GCLC: variants seen among roughly 807,000 people sequenced by gnomAD.
The protein encoded by GCLC is glutamate--cysteine ligase catalytic subunit.
In GCLC, 30 loss-of-function variants were observed where a neutral mutation model predicts 81.5. The observed-to-expected ratio is 0.37, with a 90% CI of 0.28 to 0.50. The LOEUF (loss-of-function observed/expected upper bound fraction) is 0.50. Ranked by LOEUF, GCLC falls within the 20% of genes least tolerant of loss-of-function variation. GCLC has a pLI of 0.96. For missense variants in GCLC, 556 were observed against 777.4 expected (o/e 0.72, Z 3.39); for synonymous variants, 262 against 273.3 (o/e 0.96, Z 0.41).
intron 3 of GCLC, among the ~76,000 whole-genome samples, chr6:53,517,525 G>A (rs1173074834): frequency 1.3e-5 from 2 of 152,082 alleles, no homozygotes; most frequent in African/African-American, 4.8e-5. Context: ...AGCTACAAGG[G>A]TTCTTGAGAA....
At position 53,500,325 on chromosome 6, in the gene GCLC, A is replaced by G; in HGVS notation, c.1503T>C (p.Cys501=). The G allele has an allele frequency of 1.2e-6, 2 of 1,614,186 alleles. No individual in the cohort carries two copies. The highest frequency in any genetic ancestry group is 1.7e-6 in the Non-Finnish European group (2 of 1,180,026). ...CKGGNAVVDG[C]GKAQNSTELA... is the part of the protein sequence containing the mutation. ...GCTCCGTGCTGTTCTGGGCCTTGCC[A>G]CAACCATCCACCACTGCATTGCCAC... The change falls in exon 14 of 16, where the codon TGT becomes TGC. Residue 501 remains cysteine, a synonymous_variant. Coordinates refer to ENST00000650454, the MANE Select transcript of GCLC (RefSeq NM_001498.4).
chr6:53,503,597 AT>A (rs1230903218), intron 12 of GCLC, among the ~76,000 whole-genome samples: 2 of 152,016 alleles, frequency 1.3e-5, no homozygotes, highest in Non-Finnish European at 2.9e-5. Context: ...ATATCAGTTG[AT>A]TTTCCCCCCT....
At chr6:53,525,537 AT>A (rs1763065090) in intron 1 of GCLC, among the ~76,000 whole-genome samples, 1 of 152,254 alleles carries the variant, frequency 6.6e-6, no homozygotes, top group Admixed American at 6.5e-5. Context: ...ACAAAAGAAA[AT>A]AATAAAACAG....
intron 1 of GCLC, among the ~76,000 whole-genome samples, chr6:53,542,735 G>A (rs1561954566): frequency 6.6e-6 from 1 of 152,178 alleles, no homozygotes; most frequent in Non-Finnish European, 1.5e-5. Context: ...GCAGCACAGG[G>A]CCCGGCACAT....
In GCLC at chr6:53,498,258, T is replaced by G. The variant is rs1764413316; in HGVS notation, c.*498A>C. ...GGTGCTAGAAACCCAAGATTACCCT[T>G]GAAGCACTTTCAATGGATTCAAGTG... On this transcript the variant is annotated 3_prime_UTR_variant, in exon 16 of 16. Transcript: ENST00000650454. 3 of 159,988 alleles carry G rather than the reference T, an allele frequency of 1.9e-5. No homozygotes were observed. The highest frequency in any genetic ancestry group is 4.1e-5 in the Non-Finnish European group (3 of 72,708). 9.9% of individuals were successfully genotyped at this position (159,988 alleles called of 1,614,324 possible). A position where few individuals can be genotyped will look rare whatever the true frequency, so the allele number is the denominator to read the frequency against.
At chr6:53,540,592 C>A (rs1434539144) in intron 1 of GCLC, among the ~76,000 whole-genome samples, 4 of 151,600 alleles carry the variant, frequency 2.6e-5, no homozygotes, top group African/African-American at 9.7e-5. Context: ...TAAAACATTG[C>A]CCCTGTAGTT....
chr6:53,509,336 C>G (rs1764688061), intron 6 of GCLC, 86 bp from the exon 7 acceptor site: 1 of 812,812 alleles, frequency 1.2e-6, no homozygotes, highest in South Asian at 1.4e-5. Flanking sequence ...AGGTGCTGGG[C>G]AGAGAGGGGC....
chr6:53,539,421 A>G (rs1763314574), intron 1 of GCLC, among the ~76,000 whole-genome samples: 1 of 152,200 alleles, frequency 6.6e-6, no homozygotes, highest in African/African-American at 2.4e-5. Context: ...AGTTCCAAAA[A>G]GCCAGCATAC....
chr6:53,510,900 G>A (rs1764725503), intron 6 of GCLC, among the ~76,000 whole-genome samples: 1 of 152,100 alleles, frequency 6.6e-6, no homozygotes, highest in East Asian at 1.9e-4. Flanking sequence ...CAAAGAATAA[G>A]AGTTTCAAAG....
chr6:53,534,995 T>C (rs1230749561), intron 1 of GCLC, among the ~76,000 whole-genome samples: 5 of 152,166 alleles, frequency 3.3e-5, no homozygotes, highest in Non-Finnish European at 5.9e-5. Flanking sequence ...AAATTCAAAA[T>C]ATCCAGAAGA....
Position 53,498,716 on chromosome 6 carries a change from G to C in GCLC, c.*40C>G, listed in dbSNP as rs539194390. On this transcript the variant is annotated 3_prime_UTR_variant, in exon 16 of 16. Coordinates refer to ENST00000650454, the MANE Select transcript of GCLC (RefSeq NM_001498.4). ...GCTGGCTGAGAGGCATGGTACTGTA[G>C]CCAGTTCGTCAATAATGCATTTTTC... 2 of 1,236,034 alleles carry C rather than the reference G, an allele frequency of 1.6e-6. No homozygotes were observed. The highest frequency in any genetic ancestry group is 1.7e-5 in the Admixed American group (1 of 59,568). 76.6% of individuals were successfully genotyped at this position (1,236,034 alleles called of 1,614,324 possible). A position where few individuals can be genotyped will look rare whatever the true frequency, so the allele number is the denominator to read the frequency against.
intron 1 of GCLC, among the ~76,000 whole-genome samples, chr6:53,540,987 G>A (rs938613785): frequency 2.0e-5 from 3 of 152,164 alleles, no homozygotes; most frequent in Admixed American, 2.0e-4. Context: ...GGCCAAGGCA[G>A]GTGGATCACC....
chr6:53,522,694 T>A (rs1257432977), intron 1 of GCLC, 167 bp from the exon 2 acceptor site: 1 of 571,536 alleles, frequency 1.7e-6, no homozygotes, highest in East Asian at 3.2e-5. Flanking sequence ...ATGCATAATA[T>A]GGAAACCTGT....
intron 1 of GCLC, among the ~76,000 whole-genome samples, chr6:53,530,283 C>T (rs1763150036): frequency 6.6e-6 from 1 of 152,202 alleles, no homozygotes; most frequent in Non-Finnish European, 1.5e-5. Flanking sequence ...GTCATAACCA[C>T]ATCTCACAAA....
chr6:53,501,562 A>G (rs1291283684), intron 12 of GCLC, among the ~76,000 whole-genome samples: 9 of 152,076 alleles, frequency 5.9e-5, no homozygotes, highest in Admixed American at 5.9e-4. Flanking sequence ...TACAACAGTG[A>G]CCAGTTAGAG....
At chr6:53,521,355 G>A (rs560864279) in intron 2 of GCLC, among the ~76,000 whole-genome samples, 38 of 152,030 alleles carry the variant, frequency 2.5e-4, no homozygotes, top group Admixed American at 1.8e-3. Context: ...GGGTTTCACC[G>A]TGTTAGCCAG....
chr6:53,508,785 A>T (rs971924415), intron 7 of GCLC, 74 bp from the exon 8 acceptor site: 1 of 983,310 alleles, frequency 1.0e-6, no homozygotes, highest in Non-Finnish European at 1.6e-6. Flanking sequence ...CCATGCAGTT[A>T]TATTTCTGAT....
At chr6:53,522,672 A>T in intron 1 of GCLC, 145 bp from the exon 2 acceptor site, 1 of 621,792 alleles carries the variant, frequency 1.6e-6, no homozygotes, top group Admixed American at 2.4e-5. Flanking sequence ...AGTACAGCAC[A>T]TAAGTGTTCA....
chr6:53,524,242 C>T (rs1763044928), intron 1 of GCLC, among the ~76,000 whole-genome samples: 1 of 152,176 alleles, frequency 6.6e-6, no homozygotes, highest in African/African-American at 2.4e-5. Flanking sequence ...GAGAGGTAAG[C>T]TACTCAAGGC....
Sources: gnomAD v4.1 joint callset for allele counts (sites outside exome capture counted in the v4.1 genomes callset) on GRCh38, gnomAD v4.1.1 for gene constraint, MANE v1.5 for transcripts, NCBI Gene and HGNC (gene_info 2026-07-23, HGNC 2026-07-21) for gene names.